Variants in FRYL observed in about 807,000 individuals in gnomAD.
FRYL encodes FRY like transcription coactivator.
In FRYL, 150 loss-of-function variants were observed where a neutral mutation model predicts 351.2. The observed-to-expected ratio is 0.43, with a 90% CI of 0.37 to 0.49. FRYL has a LOEUF of 0.49. Ranked by LOEUF, FRYL falls within the 20% of genes least tolerant of loss-of-function variation. The pLI, the probability that FRYL is intolerant of heterozygous loss-of-function variation, is 0.00. For synonymous variants in FRYL, 1,153 were observed against 1,257.1 expected, an observed-to-expected ratio of 0.92 and a Z score of 1.75; for missense variants, 3,036 against 3,619.3, an observed-to-expected ratio of 0.84 and a Z score of 4.13.
At chr4:48,594,383 T>G (rs1172263552) in intron 15 of FRYL, among the ~76,000 whole-genome samples, 1 of 151,116 alleles carries the variant, frequency 6.6e-6, no homozygotes, top group Non-Finnish European at 1.5e-5. Flanking sequence ...AATGGGGCTC[T>G]AGGAAGGAAA....
At position 48,589,963 on chromosome 4, in the gene FRYL, A is replaced by G. The variant is rs1742902446; in HGVS notation, c.1508-86T>C. On this transcript the variant is annotated intron_variant, in intron 17 of 63. Transcript: ENST00000358350. ...CTGTAATAAAAGCCTATTAATCTTT[A>G]AATGATTAGCTTATTGTTGCCACAA... 9 of 1,178,236 alleles carry G rather than the reference A, an allele frequency of 7.6e-6. No homozygotes were observed. In the Admixed American group the frequency reaches 1.6e-4, roughly 21 times the overall value. 73.0% of individuals were successfully genotyped at this position (1,178,236 alleles called of 1,614,324 possible).
chr4:48,733,673 G>A (rs969073725), intron 1 of FRYL, among the ~76,000 whole-genome samples: 3 of 151,954 alleles, frequency 2.0e-5, no homozygotes, highest in African/African-American at 7.3e-5. Context: ...ACATATATAT[G>A]TGCATGCTTA....
rs1373290711 is a variant in FRYL at position 48,645,154 on chromosome 4, A to ATATATATATATATC, written c.-80-10665_-80-10664insGATATATATATATA. On this transcript the variant is annotated intron_variant, in intron 3 of 63. Transcript: ENST00000358350. ...TATATATATATATATATATATATAT[A>ATATATATATATATC]TCAGACTGGCAAATACTAAAAAGAA... Among the ~76,000 whole-genome samples the ATATATATATATATC allele has an allele frequency of 1.3e-4, 16 of 122,976 alleles. 1 individual carries two copies. The highest frequency in any genetic ancestry group is 2.3e-4 in the Non-Finnish European group (13 of 56,294). 80.7% of individuals were successfully genotyped at this position (122,976 alleles called of 152,430 possible). A position where few individuals can be genotyped will look rare whatever the true frequency, so the allele number is the denominator to read the frequency against.
At chr4:48,730,647 G>A (rs1770621311) in intron 1 of FRYL, among the ~76,000 whole-genome samples, 1 of 152,126 alleles carries the variant, frequency 6.6e-6, no homozygotes, top group Non-Finnish European at 1.5e-5. Flanking sequence ...CATAAGTGAA[G>A]GAGAAATAAA....
At chr4:48,690,359 T>G (rs1765574894) in intron 2 of FRYL, among the ~76,000 whole-genome samples, 1 of 152,184 alleles carries the variant, frequency 6.6e-6, no homozygotes, top group Non-Finnish European at 1.5e-5. Flanking sequence ...TTACCCATTA[T>G]CAACATGGTT....
At chr4:48,652,113 A>G (rs1463384617) in intron 3 of FRYL, among the ~76,000 whole-genome samples, 2 of 152,222 alleles carry the variant, frequency 1.3e-5, no homozygotes. Flanking sequence ...ATGATTAAAC[A>G]AGATTTGGCT....
chr4:48,696,032 T>C (rs1045453656), intron 2 of FRYL, among the ~76,000 whole-genome samples: 2 of 152,100 alleles, frequency 1.3e-5, no homozygotes, highest in African/African-American at 2.4e-5. Context: ...AAACAATAGA[T>C]GCTGGTGAGG....
Position 48,557,506 on chromosome 4 carries a change from A to T in FRYL, c.4072T>A (p.Ser1358Thr), listed in dbSNP as rs760218076. 10 of 1,613,948 alleles carry T rather than the reference A, an allele frequency of 6.2e-6. No homozygotes were observed. Among genetic ancestry groups the T allele is most frequent in the Non-Finnish European group, 7.6e-6 (9 of 1,180,018 alleles). ...AAAACCATTGCAGTGGCTTGTGGAG[A>T]TCCCCATCCTTCTCCCCGTAACCAG... ...RRWLRGEGWG[S>T]PQATAMVLNN... Residue 1358 changes from serine (S) to threonine (T), a missense_variant, in exon 34 of 64, where the codon TCT becomes ACT. By Grantham distance (58) the Ser-to-Thr change is moderately conservative. Transcript: ENST00000358350.
chr4:48,649,960 A>G (rs1757285308), intron 3 of FRYL, among the ~76,000 whole-genome samples: 2 of 152,178 alleles, frequency 1.3e-5, no homozygotes, highest in Non-Finnish European at 2.9e-5. Context: ...CGAAGACACA[A>G]CCCATAGATT....
chr4:48,519,090 A>C lies in FRYL; in HGVS notation c.7689+1958T>G, dbSNP rs150850244. 2.6e-5 allele frequency among the ~76,000 whole-genome samples: 4 copies of C among 152,318 alleles called. No homozygotes were observed. In the East Asian group the frequency reaches 7.7e-4, roughly 29 times the overall value. On this transcript the variant is annotated intron_variant, in intron 55 of 63. Transcript: ENST00000358350. ...TAATAGGTATCTCTTGAAAGGATAA[A>C]AATTTGAATGTCTTTCTGTTATCTC...
intron 3 of FRYL, among the ~76,000 whole-genome samples, chr4:48,645,129 TATATA>T (rs1334306215): frequency 6.5e-5 from 1 of 15,298 alleles, no homozygotes; most frequent in African/African-American, 3.2e-4. Context: ...TCATTTTATA[TATATA>T]TATATATATA....
In FRYL at chr4:48,547,740, C is replaced by A; in HGVS notation, c.4918G>T (p.Glu1640Ter). The A allele has an allele frequency of 6.4e-7, 1 of 1,558,788 alleles. No homozygotes were observed. The highest frequency in any genetic ancestry group is 1.2e-5 in the South Asian group (1 of 81,428). ...GFDHCHPEVY[E>*]HCKRLLLHLL... ...TGCAGAAGCAGGCGTTTACAATGTT[C>A]ATACACCTCAGGGTGGCAGTGGTCA... is the stretch of plus-strand genomic sequence containing the variant. Residue 1640 changes from glutamate to a stop codon, truncating the protein, a stop_gained, in exon 41 of 64, where the codon GAA (glutamate) becomes TAA (stop). Coordinates refer to ENST00000358350, the MANE Select transcript of FRYL (RefSeq NM_015030.2). LOFTEE classifies it high-confidence loss of function.
chr4:48,696,056 G>C (rs1052650452), intron 2 of FRYL, among the ~76,000 whole-genome samples: 2 of 152,158 alleles, frequency 1.3e-5, no homozygotes. Context: ...TGGAGAAATA[G>C]GAATGCTTTT....
In FRYL at chr4:48,586,625, C is replaced by T; in HGVS notation, c.1744G>A (p.Ala582Thr). 2 of 1,600,912 alleles carry T rather than the reference C, an allele frequency of 1.2e-6. No individual in the cohort carries two copies. The highest frequency in any genetic ancestry group is 1.7e-6 in the Non-Finnish European group (2 of 1,168,626). The change falls in exon 19 of 64, where the codon GCA (alanine) becomes ACA (threonine). Residue 582 changes from alanine to threonine, a missense_variant. Physicochemically the swap from Ala to Thr is moderately conservative, Grantham distance 58. This residue lies in a region of FRYL where 78 missense variants were observed against 106.6 expected (regional missense o/e 0.73). Coordinates refer to ENST00000358350, the MANE Select transcript of FRYL (RefSeq NM_015030.2). ...CAAACAGTAATTCTCATTTACCTTG[C>T]TAACAATTCAATCAGGTCAGTTCTG... ...MSRTDLIELL[A>T]RLTIHMDEEL...
intron 53 of FRYL, among the ~76,000 whole-genome samples, chr4:48,525,949 G>A (rs1217581640): frequency 6.6e-6 from 1 of 152,014 alleles, no homozygotes; most frequent in African/African-American, 2.4e-5. Context: ...ATGTACATGA[G>A]AGTTGATGAA....
In FRYL at chr4:48,546,054, C is replaced by G. The variant is rs1472030181; in HGVS notation, c.5279+13G>C. ...ACATACACTGCTGGGATGATAAGAGCTGCCAGTGTTACCTTGAGGTAATGA... is the reference window on the plus strand; with the variant it reads ...ACATACACTGCTGGGATGATAAGAGGTGCCAGTGTTACCTTGAGGTAATGA... On this transcript the variant is annotated intron_variant, in intron 42 of 63. Coordinates refer to ENST00000358350, the MANE Select transcript of FRYL (RefSeq NM_015030.2). 6.2e-7 allele frequency: 1 copy of G among 1,607,410 alleles called. No homozygotes were observed. Among genetic ancestry groups the G allele is most frequent in the Non-Finnish European group, 8.5e-7 (1 of 1,175,620 alleles).
intron 1 of FRYL, among the ~76,000 whole-genome samples, chr4:48,748,739 A>C (rs1016396479): frequency 1.3e-5 from 2 of 152,260 alleles, no homozygotes; most frequent in Non-Finnish European, 2.9e-5. Flanking sequence ...TGCCCTCATG[A>C]AGCCCAACTG....
intron 2 of FRYL, among the ~76,000 whole-genome samples, chr4:48,692,289 T>A (rs529788591): frequency 6.6e-6 from 1 of 152,292 alleles, no homozygotes; most frequent in South Asian, 2.1e-4. Flanking sequence ...AGTATAATGT[T>A]TAGATACAAA....
chr4:48,563,809 T>G, intron 31 of FRYL, 139 bp downstream of exon 31: 1 of 819,760 alleles, frequency 1.2e-6, no homozygotes, highest in South Asian at 2.0e-5. Flanking sequence ...TTTTGGGATC[T>G]GAGAGGGGTC....
Sources: allele counts gnomAD v4.1 joint callset (sites outside exome capture counted in the v4.1 genomes callset), GRCh38; gene constraint gnomAD v4.1.1; regional missense constraint gnomAD v4.1.1; transcripts MANE v1.5; gene names NCBI Gene and HGNC (gene_info 2026-07-23, HGNC 2026-07-21).